The following TENM3 variants were observed in gnomAD, a reference collection of about 807,000 sequenced individuals.
TENM3 encodes teneurin-3.
In TENM3, 63 loss-of-function variants were observed where a neutral mutation model predicts 255.1. The ratio of observed to expected loss-of-function variants is 0.25; its 90% CI spans 0.20 to 0.30. TENM3 has a LOEUF of 0.30. TENM3 is among the 10% of genes least tolerant of loss of function. The pLI is 1.00. For synonymous variants in TENM3, 1,306 were observed against 1,322.3 expected (o/e 0.99, Z 0.27); for missense variants, 2,929 against 3,461.1 (o/e 0.85, Z 3.86).
At chr4:182,210,996 T>G (rs1049972260) in intron 1 of TENM3, among the ~76,000 whole-genome samples, 2 of 152,136 alleles carry the variant, frequency 1.3e-5, no homozygotes, top group African/African-American at 4.8e-5. Context: ...AAGGGAGTGA[T>G]GTGTGGACTG....
intron 5 of TENM3, among the ~76,000 whole-genome samples, chr4:182,635,055 T>C (rs9917847): frequency 0.68 from 103,217 of 151,692 alleles, 36,131 homozygotes; most frequent in East Asian, 0.85. Flanking sequence ...TTTAATTTCG[T>C]GAGCATCTCT....
chr4:182,669,370 C>T (rs1017538004), intron 6 of TENM3, among the ~76,000 whole-genome samples: 3 of 151,948 alleles, frequency 2.0e-5, no homozygotes, highest in African/African-American at 4.8e-5. Flanking sequence ...CCCAGGTTCA[C>T]GCCATTCTCC....
the TENM3 span, among the ~76,000 whole-genome samples, chr4:181,448,128 T>C: frequency 0.13 from 18,715 of 148,710 alleles, 1,405 homozygotes; most frequent in East Asian, 0.27. Context: ...AAGTGTCCAG[T>C]TGACAGGAGT....
chr4:181,944,916 A>C, the TENM3 span, among the ~76,000 whole-genome samples: 3 of 151,830 alleles, frequency 2.0e-5, no homozygotes, highest in Admixed American at 2.0e-4. Context: ...AAACTATTCC[A>C]CGGAGCCCTC....
At chr4:181,957,379 G>A in the TENM3 span, among the ~76,000 whole-genome samples, 1 of 152,134 alleles carries the variant, frequency 6.6e-6, no homozygotes, top group Non-Finnish European at 1.5e-5. Context: ...CAAGGGGGCG[G>A]ATCACAAAGT....
At chr4:182,769,357 T>C (rs79449189) in intron 22 of TENM3, among the ~76,000 whole-genome samples, 4,451 of 152,232 alleles carry the variant, frequency 0.029, 177 homozygotes, top group South Asian at 0.1. Context: ...ATGTCTTTCC[T>C]TCATCTCGTT....
chr4:182,768,224 T>G (rs1420689998), intron 22 of TENM3, among the ~76,000 whole-genome samples: 1 of 152,196 alleles, frequency 6.6e-6, no homozygotes, highest in Non-Finnish European at 1.5e-5. Context: ...AAGCAGAAGA[T>G]AATTTTAAAA....
At chr4:181,693,740 G>A in the TENM3 span, among the ~76,000 whole-genome samples, 1 of 152,026 alleles carries the variant, frequency 6.6e-6, no homozygotes, top group South Asian at 2.1e-4. Flanking sequence ...GTCCCTTCCG[G>A]AAATCCTACC....
chr4:181,711,750 G>A, the TENM3 span, among the ~76,000 whole-genome samples: 2 of 152,258 alleles, frequency 1.3e-5, no homozygotes, highest in East Asian at 3.9e-4. Context: ...AAGGTAGTTT[G>A]CCCAGGTTCA....
the TENM3 span, among the ~76,000 whole-genome samples, chr4:181,496,691 CCAAATGAATTCA>C: frequency 3.3e-5 from 5 of 152,126 alleles, no homozygotes; most frequent in Non-Finnish European, 5.9e-5. Context: ...TATGCACGTG[CCAAATGAATTCA>C]TTAAGACCAG....
chr4:182,291,229 C>T (rs17316737), intron 1 of TENM3, among the ~76,000 whole-genome samples: 22,365 of 152,132 alleles, frequency 0.15, 1,880 homozygotes, highest in Middle Eastern at 0.22. Context: ...GGCTGGTCTC[C>T]GGCAGGCTTC....
At position 182,169,427 on chromosome 4, in the gene TENM3, G is replaced by A. The variant is rs141934647; in HGVS notation, c.-76+24673G>A. On this transcript the variant is annotated intron_variant, in intron 1 of 2. Transcript: ENST00000512480. Reference sequence around the variant, plus strand: ...ACGAGGAAAAGAAGTCTCCTGAGATGGATTGAATTCTTCTGAAGAGAAAAA... The same window carrying A: ...ACGAGGAAAAGAAGTCTCCTGAGATAGATTGAATTCTTCTGAAGAGAAAAA... The A allele has an allele frequency of 2.0e-3, 782 of 392,858 alleles. 3 individuals carry two copies. Among genetic ancestry groups the A allele is most frequent in the African/African-American group, 0.015 (692 of 46,828 alleles). 24.3% of individuals were successfully genotyped at this position (392,858 alleles called of 1,614,324 possible).
the TENM3 span, among the ~76,000 whole-genome samples, chr4:181,782,359 G>A: frequency 6.6e-6 from 1 of 152,156 alleles, no homozygotes; most frequent in Non-Finnish European, 1.5e-5. Context: ...GAGGGTGTAT[G>A]TGTCCAGGAA....
intron 3 of TENM3, among the ~76,000 whole-genome samples, chr4:182,415,153 G>C (rs939188754): frequency 1.3e-5 from 2 of 152,160 alleles, no homozygotes; most frequent in Admixed American, 1.3e-4. Flanking sequence ...TAACAGGAGG[G>C]AGAAGAAAGG....
chr4:181,877,557 T>TA, the TENM3 span, among the ~76,000 whole-genome samples: 221 of 152,264 alleles, frequency 1.5e-3, 1 homozygote, highest in African/African-American at 5.0e-3. Flanking sequence ...AATCGTGACT[T>TA]AAACATACAG....
rs1743136256 is a variant in TENM3 at position 182,561,221 on chromosome 4, GTAAA to G, written c.512-39701_512-39698del. ...GATTGGATGATGTTTGTAGAGCTCT[GTAAA>G]TTTATTAAAAATTGTATTTATGAAT... On this transcript the variant is annotated intron_variant, in intron 3 of 27. Transcript: ENST00000511685. 2.0e-5 allele frequency among the ~76,000 whole-genome samples: 3 copies of G among 151,802 alleles called. No homozygotes were observed. In the South Asian group the frequency reaches 6.2e-4, roughly 32 times the overall value.
intron 3 of TENM3, among the ~76,000 whole-genome samples, chr4:182,525,614 TG>T (rs1401300287): frequency 6.6e-6 from 1 of 152,214 alleles, no homozygotes; most frequent in Admixed American, 6.5e-5. Flanking sequence ...ACTGTGTGTA[TG>T]TACACCCGTC....
intron 13 of TENM3, among the ~76,000 whole-genome samples, chr4:182,718,152 G>A (rs894411785): frequency 1.4e-4 from 21 of 151,872 alleles, no homozygotes; most frequent in East Asian, 7.7e-4. Flanking sequence ...CATGTGAGAC[G>A]TTCAACTCAA....
the TENM3 span, among the ~76,000 whole-genome samples, chr4:181,700,647 T>A: frequency 7.2e-5 from 11 of 152,182 alleles, no homozygotes; most frequent in African/African-American, 2.7e-4. Context: ...GTGACCTACC[T>A]CTACTCCATT....
Sources: allele counts gnomAD v4.1 joint callset (sites outside exome capture counted in the v4.1 genomes callset), GRCh38; gene constraint gnomAD v4.1.1; transcripts MANE v1.5; gene names NCBI Gene and HGNC (gene_info 2026-07-23, HGNC 2026-07-21).